The following CHCHD3 variants were observed in gnomAD, a reference collection of about 807,000 sequenced individuals.
The protein encoded by CHCHD3 is coiled-coil-helix-coiled-coil-helix domain containing 3.
Under a neutral mutation model 38.2 loss-of-function variants are expected in CHCHD3, and 20 were observed. That is an observed-to-expected ratio of 0.52 (90% CI 0.37 to 0.76). The LOEUF is 0.76. Among genes scored for constraint, CHCHD3 ranks in the 30% least tolerant of loss-of-function variants. The pLI, the probability that CHCHD3 is intolerant of heterozygous loss-of-function variation, is 0.00. For missense variants in CHCHD3, 245 were observed against 279.2 expected (o/e 0.88, Z 0.87); for synonymous variants, 82 against 100.0 (o/e 0.82, Z 1.07).
Position 132,930,982 on chromosome 7 carries a change from G to A in CHCHD3, c.369+44187C>T, listed in dbSNP as rs143601407. 3.7e-3 allele frequency among the ~76,000 whole-genome samples: 559 copies of A among 152,278 alleles called. 11 individuals carry two copies. In the East Asian group the frequency reaches 0.045, roughly 12 times the overall value. On this transcript the variant is annotated intron_variant, in intron 4 of 7. Transcript: ENST00000262570. ...TGCTTCTATCTATATGCAGGTATCA[G>A]TCTTCTAACTAGAATTTAAGACCCA...
rs557458584 is a variant in CHCHD3 at position 132,973,452 on chromosome 7, T to C, written c.369+1717A>G. The C allele has an allele frequency of 1.0e-5, 10 of 985,534 alleles. No individual in the cohort carries two copies. The Admixed American group carries it at 1.8e-4, about 18-fold the overall frequency. The allele number at this position is 985,534 out of a possible 1,614,324, so 61.0% of individuals were successfully genotyped here. ...GACGTACAACAAATTTAATTTTCAG[T>C]TGAGTTACTCAAAACTTACTGTCTT... On this transcript the variant is annotated intron_variant, in intron 4 of 7. Transcript: ENST00000262570.
At position 132,967,448 on chromosome 7, in the gene CHCHD3, G is replaced by A. The variant is rs183119027; in HGVS notation, c.369+7721C>T. Among the ~76,000 whole-genome samples, 146 of 152,030 alleles carry A rather than the reference G, an allele frequency of 9.6e-4. 1 individual carries two copies. The highest frequency in any genetic ancestry group is 3.3e-3 in the African/African-American group (138 of 41,454). On this transcript the variant is annotated intron_variant, in intron 4 of 7. Coordinates refer to ENST00000262570, the MANE Select transcript of CHCHD3 (RefSeq NM_017812.4). ...CCACCTCCAGGTCCCTCAATATCTA[G>A]TCAGCATAATATTGAGCTTCTCAGA...
At chr7:133,000,742 A>C (rs1321789560) in intron 3 of CHCHD3, among the ~76,000 whole-genome samples, 1 of 152,192 alleles carries the variant, frequency 6.6e-6, no homozygotes, top group Non-Finnish European at 1.5e-5. Flanking sequence ...CAATACATCC[A>C]AAATATTATC....
chr7:133,008,425 G>GA (rs988855864), intron 3 of CHCHD3, among the ~76,000 whole-genome samples: 141 of 73,978 alleles, frequency 1.9e-3, no homozygotes, highest in Admixed American at 2.4e-3. Flanking sequence ...ATGCAGAAAA[G>GA]AAAAAAAAAA....
rs548131400 is a variant in CHCHD3 at position 132,872,680 on chromosome 7, C to CA, written c.453+12981dup. On this transcript the variant is annotated intron_variant, in intron 5 of 7. Coordinates refer to ENST00000262570, the MANE Select transcript of CHCHD3 (RefSeq NM_017812.4). ...AAACAAGATTCACTATTAAATAAAA[C>CA]AATGGGCGCTTAGCTTATGGAAGAA... Among the ~76,000 whole-genome samples the CA allele has an allele frequency of 2.6e-3, 396 of 152,300 alleles. 4 individuals are homozygous for CA. The highest frequency in any genetic ancestry group is 9.1e-3 in the African/African-American group (377 of 41,560).
At chr7:132,907,854 GC>G (rs1809835486) in intron 4 of CHCHD3, among the ~76,000 whole-genome samples, 1 of 152,202 alleles carries the variant, frequency 6.6e-6, no homozygotes, top group African/African-American at 2.4e-5. Context: ...GTTTCTACCA[GC>G]CCTTTCTAAA....
rs565966199 is a variant in CHCHD3 at position 132,972,597 on chromosome 7, G to C, written c.369+2572C>G. 3.0e-6 allele frequency: 3 copies of C among 985,306 alleles called. No homozygotes were observed. In the African/African-American group the frequency reaches 5.2e-5, roughly 17 times the overall value. The allele number at this position is 985,306 out of a possible 1,614,324, so 61.0% of individuals were successfully genotyped here. On this transcript the variant is annotated intron_variant, in intron 4 of 7. Transcript: ENST00000262570. Reference sequence around the variant, plus strand: ...GGGAGAAATCTGGTAAATAAATTGGGAACTGCCCAATAACTAAATGTCACT... The same window carrying C: ...GGGAGAAATCTGGTAAATAAATTGGCAACTGCCCAATAACTAAATGTCACT...
chr7:132,898,954 C>G (rs1410923961), intron 4 of CHCHD3, among the ~76,000 whole-genome samples: 1 of 152,226 alleles, frequency 6.6e-6, no homozygotes, highest in Non-Finnish European at 1.5e-5. Flanking sequence ...CCTGCAAGCG[C>G]CGCACACAGC....
At chr7:132,996,264 C>A (rs1812413598) in intron 3 of CHCHD3, among the ~76,000 whole-genome samples, 1 of 152,192 alleles carries the variant, frequency 6.6e-6, no homozygotes, top group African/African-American at 2.4e-5. Flanking sequence ...CTGTTACGTG[C>A]TCTGCAATCC....
At chr7:132,976,788 C>T (rs1811778823) in intron 3 of CHCHD3, among the ~76,000 whole-genome samples, 1 of 151,920 alleles carries the variant, frequency 6.6e-6, no homozygotes, top group African/African-American at 2.4e-5. Flanking sequence ...TTTTGTGTTA[C>T]TATTTTTAAA....
chr7:132,977,814 G>A (rs1020532082), intron 3 of CHCHD3, among the ~76,000 whole-genome samples: 3 of 151,916 alleles, frequency 2.0e-5, no homozygotes, highest in African/African-American at 7.3e-5. Flanking sequence ...GTATGGCTTA[G>A]ATTTTAATTA....
At chr7:132,854,916 G>A (rs957533393) in intron 5 of CHCHD3, among the ~76,000 whole-genome samples, 1 of 152,192 alleles carries the variant, frequency 6.6e-6, no homozygotes, top group Admixed American at 6.5e-5. Context: ...GAAAGCATAG[G>A]AGAGCTGGTT....
At chr7:132,872,210 AC>A (rs1232093774) in intron 5 of CHCHD3, among the ~76,000 whole-genome samples, 1 of 152,218 alleles carries the variant, frequency 6.6e-6, no homozygotes, top group Non-Finnish European at 1.5e-5. Flanking sequence ...CTGACCTGAA[AC>A]GAGAGAGTTG....
intron 6 of CHCHD3, among the ~76,000 whole-genome samples, chr7:132,832,867 A>T (rs916187383): frequency 2.0e-5 from 3 of 152,194 alleles, no homozygotes; most frequent in Non-Finnish European, 4.4e-5. Flanking sequence ...CTTACATGCT[A>T]TTCTATCATG....
chr7:132,821,079 C>T (rs1807362224), intron 6 of CHCHD3, among the ~76,000 whole-genome samples: 1 of 152,026 alleles, frequency 6.6e-6, no homozygotes, highest in Non-Finnish European at 1.5e-5. Context: ...TTTTAAGAGG[C>T]CTGGTATACT....
chr7:133,009,781 T>C (rs1206227034), intron 3 of CHCHD3, among the ~76,000 whole-genome samples: 2 of 152,194 alleles, frequency 1.3e-5, no homozygotes, highest in East Asian at 3.8e-4. Flanking sequence ...CAGTCTCATG[T>C]AAAATGTAAG....
intron 3 of CHCHD3, among the ~76,000 whole-genome samples, chr7:132,977,178 C>T (rs1811789800): frequency 6.6e-6 from 1 of 152,162 alleles, no homozygotes; most frequent in Non-Finnish European, 1.5e-5. Context: ...ACACCACTTC[C>T]TAGAACAGCA....
intron 2 of CHCHD3, chr7:133,034,674 T>C (rs1486135489): frequency 6.2e-7 from 1 of 1,613,256 alleles, no homozygotes; most frequent in East Asian, 2.2e-5. Context: ...CCAGGAAAAG[T>C]ACTCTCGAAC....
At chr7:132,821,963 C>A (rs1404280489) in intron 6 of CHCHD3, among the ~76,000 whole-genome samples, 1 of 151,980 alleles carries the variant, frequency 6.6e-6, no homozygotes, top group African/African-American at 2.4e-5. Flanking sequence ...GGGGTTTCAC[C>A]TTGTTAGCCA....
Sources: gnomAD v4.1 joint callset for allele counts (sites outside exome capture counted in the v4.1 genomes callset) on GRCh38, gnomAD v4.1.1 for gene constraint, MANE v1.5 for transcripts, NCBI Gene and HGNC (gene_info 2026-07-23, HGNC 2026-07-21) for gene names.